PATL1: variants seen among roughly 807,000 people sequenced by gnomAD.
PATL1 encodes PAT1 homolog 1, processing body mRNA decay factor.
A neutral mutation model predicts 100.6 loss-of-function variants in PATL1; 32 were observed. The observed-to-expected ratio is 0.32, with a 90% CI of 0.24 to 0.43. The LOEUF is 0.43. PATL1 is among the 20% of genes least tolerant of loss of function. PATL1 has a pLI of 1.00. For synonymous variants in PATL1, 332 were observed against 330.0 expected (o/e 1.01, Z -0.07); for missense variants, 747 against 949.9 (o/e 0.79, Z 2.81).
At chr11:59,645,787 T>C (rs539464217) in intron 15 of PATL1, among the ~76,000 whole-genome samples, 8 of 152,362 alleles carry the variant, frequency 5.3e-5, no homozygotes, top group African/African-American at 1.7e-4. Context: ...TTGGTTTGTG[T>C]ATCCTTTAGA....
intron 15 of PATL1, 117 bp downstream of exon 15, chr11:59,647,637 C>T: frequency 9.2e-7 from 1 of 1,087,072 alleles, no homozygotes; most frequent in Non-Finnish European, 1.3e-6. Flanking sequence ...TCAAATCACA[C>T]AGCCAAAGAT....
At chr11:59,667,293 T>G (rs1276016337) in intron 1 of PATL1, among the ~76,000 whole-genome samples, 1 of 152,220 alleles carries the variant, frequency 6.6e-6, no homozygotes, top group Non-Finnish European at 1.5e-5. Context: ...CATCACTGGT[T>G]GGAATACTGA....
chr11:59,639,250 C>T (rs1861238368), intron 17 of PATL1, 42 bp downstream of exon 17: 1 of 1,582,594 alleles, frequency 6.3e-7, no homozygotes, highest in African/African-American at 1.4e-5. Context: ...AAAAGATTAC[C>T]TCAAAGAACT....
At chr11:59,640,215 C>G (rs1444238801) in intron 16 of PATL1, among the ~76,000 whole-genome samples, 1 of 152,034 alleles carries the variant, frequency 6.6e-6, no homozygotes, top group South Asian at 2.1e-4. Flanking sequence ...GTGGCACATG[C>G]CTGTAATCCC....
chr11:59,655,693 T>C lies in PATL1; in HGVS notation c.861A>G (p.Gly287=). 6.2e-7 allele frequency: 1 copy of C among 1,604,666 alleles called. No homozygotes were observed. The highest frequency in any genetic ancestry group is 1.1e-5 in the South Asian group (1 of 89,192). ...MSPSQFARVP[G]FVGSPLAAMN... is the part of the protein sequence containing the mutation. ...TGGCAGCAAGTGGACTACCAACAAA[T>C]CCAGGGACCCGTGCAAACTGGCTGG... The change falls in exon 8 of 19, where the codon GGA becomes GGG. Residue 287 remains glycine, a synonymous_variant. Coordinates refer to ENST00000300146, the MANE Select transcript of PATL1 (RefSeq NM_152716.3).
At chr11:59,641,810 A>G (rs1403452467) in intron 16 of PATL1, among the ~76,000 whole-genome samples, 2 of 152,176 alleles carry the variant, frequency 1.3e-5, no homozygotes, top group East Asian at 3.9e-4. Flanking sequence ...TGCCTTTACT[A>G]AAATTAAAAC....
intron 2 of PATL1, among the ~76,000 whole-genome samples, chr11:59,660,027 C>T (rs1334265243): frequency 1.3e-5 from 2 of 152,124 alleles, no homozygotes; most frequent in Non-Finnish European, 2.9e-5. Context: ...AAAACATTAT[C>T]AATAATGTCC....
At chr11:59,651,417 G>A (rs749038175) in intron 12 of PATL1, 127 bp downstream of exon 12, 18 of 670,328 alleles carry the variant, frequency 2.7e-5, no homozygotes, top group Non-Finnish European at 4.1e-5. Context: ...TAGAATGCAT[G>A]ACGAGGTGGG....
chr11:59,657,511 G>A lies in PATL1; in HGVS notation c.621+19C>T. 1 of 1,561,990 alleles carries A rather than the reference G, an allele frequency of 6.4e-7. No homozygotes were observed. Among genetic ancestry groups the A allele is most frequent in the Non-Finnish European group, 8.7e-7 (1 of 1,145,532 alleles). On this transcript the variant is annotated intron_variant, in intron 5 of 18. Transcript: ENST00000300146. ...AGATTCCCAATATCCTGGGCTGTGT[G>A]CTTGTTAATGAGAGGTACCTGTTGG...
At chr11:59,640,999 C>G (rs1861269893) in intron 16 of PATL1, among the ~76,000 whole-genome samples, 1 of 152,116 alleles carries the variant, frequency 6.6e-6, no homozygotes, top group Non-Finnish European at 1.5e-5. Context: ...TGGCAAAACC[C>G]TGTCTCTGCT....
chr11:59,662,918 G>A (rs1861645692), intron 2 of PATL1, among the ~76,000 whole-genome samples: 1 of 151,990 alleles, frequency 6.6e-6, no homozygotes, highest in Non-Finnish European at 1.5e-5. Flanking sequence ...TAGATCTCTG[G>A]TGAATTGATT....
intron 15 of PATL1, among the ~76,000 whole-genome samples, chr11:59,644,890 C>CTTTTT (rs71036539): frequency 1.2e-4 from 10 of 83,790 alleles, no homozygotes; most frequent in Non-Finnish European, 1.7e-4. Flanking sequence ...ACTTCGTTTC[C>CTTTTT]TTTTTTTTTT....
chr11:59,647,921 G>A lies in PATL1; in HGVS notation c.1734-8C>T. ...AAGTGGTCATCACTAGGCCTGCAAG[G>A]AAGAAAAATGCCAGCTTAGGTCAGC... On this transcript the variant is annotated splice_polypyrimidine_tract_variant and splice_region_variant and intron_variant, in intron 14 of 18. Transcript: ENST00000300146. 2 of 1,580,726 alleles carry A rather than the reference G, an allele frequency of 1.3e-6. No individual in the cohort carries two copies. The highest frequency in any genetic ancestry group is 1.7e-6 in the Non-Finnish European group (2 of 1,161,604).
intron 5 of PATL1, chr11:59,657,124 G>A (rs1861547229): frequency 3.0e-6 from 3 of 985,162 alleles, no homozygotes; most frequent in Admixed American, 6.2e-5. Context: ...TCAGGTGGAG[G>A]AAAGTCTATG....
At chr11:59,667,170 TATTTC>T in intron 1 of PATL1, 1 of 793,410 alleles carries the variant, frequency 1.3e-6, no homozygotes, top group South Asian at 5.8e-5. Context: ...TCCTAATCCT[TATTTC>T]ATTTAATTCT....
intron 5 of PATL1, 76 bp from the exon 6 acceptor site, chr11:59,656,676 T>C (rs1160648871): frequency 1.6e-6 from 2 of 1,278,844 alleles, no homozygotes; most frequent in East Asian, 2.4e-5. Context: ...TCCCCTCAAG[T>C]ACTGGTAGAG....
chr11:59,657,979 C>A (rs1237909285), intron 4 of PATL1, among the ~76,000 whole-genome samples: 1 of 151,430 alleles, frequency 6.6e-6, no homozygotes, highest in African/African-American at 2.4e-5. Flanking sequence ...GCCTGGGCAA[C>A]ACAGCGAGAC....
At chr11:59,638,934 G>T (rs1861232450) in intron 18 of PATL1, 114 bp downstream of exon 18, 2 of 1,189,150 alleles carry the variant, frequency 1.7e-6, no homozygotes, top group East Asian at 2.4e-5. Flanking sequence ...CCACCCTCCT[G>T]GGTGTCCTAA....
Position 59,638,219 on chromosome 11 carries a change from G to C in PATL1, c.*171C>G. 1 of 662,470 alleles carries C rather than the reference G, an allele frequency of 1.5e-6. No individual in the cohort carries two copies. Among genetic ancestry groups the C allele is most frequent in the Non-Finnish European group, 2.6e-6 (1 of 381,128 alleles). 41.0% of individuals were successfully genotyped at this position (662,470 alleles called of 1,614,324 possible). ...ACCCAGCCAAATTTCATAGAGCAGT[G>C]GGGAAATATCTGACATTTAGAGAGA... On this transcript the variant is annotated 3_prime_UTR_variant, in exon 19 of 19. Transcript: ENST00000300146.
Sources: gnomAD v4.1 joint callset for allele counts (sites outside exome capture counted in the v4.1 genomes callset) on GRCh38, gnomAD v4.1.1 for gene constraint, MANE v1.5 for transcripts, NCBI Gene and HGNC (gene_info 2026-07-23, HGNC 2026-07-21) for gene names.